The following PLA2G4A variants were observed in gnomAD, a reference collection of about 807,000 sequenced individuals.
PLA2G4A encodes cytosolic phospholipase A2.
A neutral mutation model predicts 81.9 loss-of-function variants in PLA2G4A; 40 were observed. The observed-to-expected ratio is 0.49, with a 90% CI of 0.38 to 0.64. The LOEUF is 0.64. PLA2G4A is among the 30% of genes least tolerant of loss of function. The pLI is 0.00. For synonymous variants in PLA2G4A, 302 were observed against 296.9 expected (o/e 1.02, Z -0.18); for missense variants, 715 against 905.1 (o/e 0.79, Z 2.69).
chr1:186,915,132 C>A (rs1655094023), intron 7 of PLA2G4A, among the ~76,000 whole-genome samples: 2 of 152,156 alleles, frequency 1.3e-5, no homozygotes, highest in African/African-American at 4.8e-5. Flanking sequence ...CCATGCCACA[C>A]TTGCACGGGC....
At chr1:186,968,821 T>C (rs1657231658) in intron 15 of PLA2G4A, among the ~76,000 whole-genome samples, 1 of 151,822 alleles carries the variant, frequency 6.6e-6, no homozygotes, top group Non-Finnish European at 1.5e-5. Flanking sequence ...TTCATCAATT[T>C]ACATTACTAT....
At chr1:186,838,679 A>G (rs1396061641) in intron 1 of PLA2G4A, among the ~76,000 whole-genome samples, 2 of 152,094 alleles carry the variant, frequency 1.3e-5, no homozygotes, top group African/African-American at 4.8e-5. Context: ...TGTCCTTTGA[A>G]GTTCTGAATG....
At chr1:186,858,300 T>C (rs909880307) in intron 2 of PLA2G4A, among the ~76,000 whole-genome samples, 19 of 152,324 alleles carry the variant, frequency 1.2e-4, no homozygotes, top group Non-Finnish European at 1.9e-4. Flanking sequence ...ATTGTCATTC[T>C]AACTGGCGTG....
intron 5 of PLA2G4A, among the ~76,000 whole-genome samples, chr1:186,899,306 A>G (rs553122890): frequency 2.0e-5 from 3 of 152,276 alleles, no homozygotes; most frequent in South Asian, 2.1e-4. Context: ...CTGGAGCACA[A>G]AGAAAGACTG....
chr1:186,884,056 C>T (rs1653839525), intron 3 of PLA2G4A, among the ~76,000 whole-genome samples: 1 of 151,812 alleles, frequency 6.6e-6, no homozygotes, highest in Non-Finnish European at 1.5e-5. Context: ...CCAATATTTA[C>T]AGATTAAATT....
chr1:186,934,569 T>C (rs931964953), intron 8 of PLA2G4A, among the ~76,000 whole-genome samples: 1 of 151,210 alleles, frequency 6.6e-6, no homozygotes, highest in Non-Finnish European at 1.5e-5. Flanking sequence ...CACATATATG[T>C]ATACTTCTAC....
Position 186,988,445 on chromosome 1 carries a change from C to T in PLA2G4A, c.2187C>T (p.Ser729=). The T allele has an allele frequency of 6.2e-7, 1 of 1,611,432 alleles. No individual in the cohort carries two copies. Among genetic ancestry groups the T allele is most frequent in the Non-Finnish European group, 8.5e-7 (1 of 1,177,828 alleles). The change falls in exon 18 of 18, where the codon TCC becomes TCT. Residue 729 remains serine (S), a synonymous_variant. Coordinates refer to ENST00000367466, the MANE Select transcript of PLA2G4A (RefSeq NM_024420.3). Reference sequence around the variant, plus strand: ...AGAATCCATCTCGTTGCTCTGTTTCCCTTAGTAATGTTGAGGCAAGAAGAT... The same window carrying T: ...AGAATCCATCTCGTTGCTCTGTTTCTCTTAGTAATGTTGAGGCAAGAAGAT... ...RRQNPSRCSV[S]LSNVEARRFF... is the part of the protein sequence containing the mutation.
intron 3 of PLA2G4A, among the ~76,000 whole-genome samples, chr1:186,885,128 G>C (rs1653887279): frequency 1.3e-5 from 2 of 152,128 alleles, no homozygotes; most frequent in African/African-American, 4.8e-5. Flanking sequence ...TTCCTTGAGA[G>C]AAAGCCTAGA....
At chr1:186,978,087 A>G (rs1657594458) in intron 16 of PLA2G4A, among the ~76,000 whole-genome samples, 1 of 152,178 alleles carries the variant, frequency 6.6e-6, no homozygotes, top group Non-Finnish European at 1.5e-5. Context: ...TTAATCAAAT[A>G]TTTTGACTAT....
chr1:186,963,666 T>C (rs1657034658), intron 14 of PLA2G4A, among the ~76,000 whole-genome samples: 1 of 152,226 alleles, frequency 6.6e-6, no homozygotes, highest in African/African-American at 2.4e-5. Context: ...AATTTATTCT[T>C]CTTTATTTAT....
chr1:186,880,907 C>T (rs761857704), intron 3 of PLA2G4A, among the ~76,000 whole-genome samples: 9 of 151,822 alleles, frequency 5.9e-5, no homozygotes, highest in Admixed American at 3.3e-4. Flanking sequence ...CAGGCAACAA[C>T]GACACTTTCA....
At chr1:186,921,624 G>A (rs769437265) in intron 7 of PLA2G4A, among the ~76,000 whole-genome samples, 33 of 152,012 alleles carry the variant, frequency 2.2e-4, no homozygotes, top group Non-Finnish European at 3.4e-4. Flanking sequence ...GTGATCTAGG[G>A]GTGTGGTTAT....
rs766976340 is a variant in PLA2G4A, at chr1:186,893,236, C to T, written c.264+77C>T. 50 of 1,205,768 alleles carry T rather than the reference C, an allele frequency of 4.1e-5. 1 individual carries two copies. The highest frequency in any genetic ancestry group is 6.0e-5 in the Non-Finnish European group (49 of 810,370). 74.7% of individuals were successfully genotyped at this position (1,205,768 alleles called of 1,614,324 possible). A position where few individuals can be genotyped will look rare whatever the true frequency, so the allele number is the denominator to read the frequency against. On this transcript the variant is annotated intron_variant, in intron 4 of 17. Transcript: ENST00000367466. Reference sequence around the variant, plus strand: ...CATGCTTGAGTTTGTCCTTTTACTGCCTTTTTGTTCCTGTTAGCTATAGTT... The same window carrying T: ...CATGCTTGAGTTTGTCCTTTTACTGTCTTTTTGTTCCTGTTAGCTATAGTT...
chr1:186,841,889 G>T (rs1651993924), intron 1 of PLA2G4A, among the ~76,000 whole-genome samples: 2 of 152,134 alleles, frequency 1.3e-5, no homozygotes, highest in Admixed American at 1.3e-4. Context: ...CGTTATCCTT[G>T]TGCTTCGTTT....
At chr1:186,843,536 G>A (rs1256071358) in intron 1 of PLA2G4A, among the ~76,000 whole-genome samples, 1 of 152,224 alleles carries the variant, frequency 6.6e-6, no homozygotes, top group Non-Finnish European at 1.5e-5. Flanking sequence ...ATGGAAGACT[G>A]ACACGTGTAT....
chr1:186,947,029 G>A (rs1263742090), intron 12 of PLA2G4A, 68 bp downstream of exon 12: 4 of 856,770 alleles, frequency 4.7e-6, no homozygotes, highest in Non-Finnish European at 8.0e-6. Context: ...GACATATATA[G>A]AGAGAATATT....
At chr1:186,835,035 A>G (rs1651728927) in intron 1 of PLA2G4A, among the ~76,000 whole-genome samples, 1 of 152,180 alleles carries the variant, frequency 6.6e-6, no homozygotes, top group Non-Finnish European at 1.5e-5. Context: ...TAGTATACAT[A>G]CTATGATGTG....
rs1189484609 is a variant in PLA2G4A at position 186,977,756 on chromosome 1, C to T, written c.1928C>T (p.Ala643Val). The T allele has an allele frequency of 3.7e-6, 6 of 1,613,068 alleles. No homozygotes were observed. Among genetic ancestry groups the T allele is most frequent in the Non-Finnish European group, 5.1e-6 (6 of 1,179,202 alleles). ...CCAACCATCATCCACTTTGTTCTGG[C>T]CAACATCAACTTCAGAAAGTACAGG... ...DCPTIIHFVL[A>V]NINFRKYRAP... Residue 643 changes from alanine to valine, a missense_variant, in exon 16 of 18, where the codon GCC becomes GTC. Ala to Val is a moderately conservative substitution (Grantham distance 64, BLOSUM62 0). Coordinates refer to ENST00000367466, the MANE Select transcript of PLA2G4A (RefSeq NM_024420.3).
intron 1 of PLA2G4A, among the ~76,000 whole-genome samples, chr1:186,846,569 T>C (rs958520546): frequency 2.0e-5 from 3 of 152,140 alleles, no homozygotes; most frequent in Non-Finnish European, 4.4e-5. Context: ...GAAACTGACA[T>C]TGGTACAGTG....
Sources: allele counts gnomAD v4.1 joint callset (sites outside exome capture counted in the v4.1 genomes callset), GRCh38; gene constraint gnomAD v4.1.1; transcripts MANE v1.5; gene names NCBI Gene and HGNC (gene_info 2026-07-23, HGNC 2026-07-21).